The following GPC5 variants were observed in gnomAD, a reference collection of about 807,000 sequenced individuals.
The protein encoded by GPC5 is glypican-5.
In GPC5, 47 loss-of-function variants were observed where a neutral mutation model predicts 53.9. The ratio of observed to expected loss-of-function variants is 0.87; its 90% CI spans 0.69 to 1.11. GPC5 has a LOEUF of 1.11. Ranked by LOEUF, GPC5 falls within the 50% of genes most tolerant of loss-of-function variation. GPC5 has a pLI of 0.00. For synonymous variants in GPC5, 286 were observed against 263.3 expected, an observed-to-expected ratio of 1.09 and a Z score of -0.84; for missense variants, 748 against 713.1, an observed-to-expected ratio of 1.05 and a Z score of -0.56.
intron 7 of GPC5, among the ~76,000 whole-genome samples, chr13:92,327,064 A>G (rs1390085913): frequency 1.3e-5 from 2 of 152,158 alleles, no homozygotes; most frequent in Non-Finnish European, 2.9e-5. Context: ...ATTAATGTTT[A>G]TCCTAGTTTG....
At chr13:91,553,375 G>A (rs1204924030) in intron 2 of GPC5, among the ~76,000 whole-genome samples, 1 of 136,066 alleles carries the variant, frequency 7.3e-6, no homozygotes, top group Non-Finnish European at 1.6e-5. Context: ...CAGGCAGGAA[G>A]AATATATTAA....
At chr13:92,392,012 CTT>C (rs1394347843) in intron 7 of GPC5, among the ~76,000 whole-genome samples, 1 of 152,064 alleles carries the variant, frequency 6.6e-6, no homozygotes, top group Non-Finnish European at 1.5e-5. Context: ...ACTTGTGAAA[CTT>C]TTGCCTGCGA....
At chr13:91,690,760 T>G (rs1042969715) in intron 2 of GPC5, among the ~76,000 whole-genome samples, 1 of 152,216 alleles carries the variant, frequency 6.6e-6, no homozygotes, top group Non-Finnish European at 1.5e-5. Context: ...ACATCAGTAT[T>G]GCCTGATTCA....
At chr13:92,146,902 A>G (rs564816360) in intron 7 of GPC5, among the ~76,000 whole-genome samples, 1 of 151,736 alleles carries the variant, frequency 6.6e-6, no homozygotes, top group Non-Finnish European at 1.5e-5. Flanking sequence ...TTCTTTATCC[A>G]CTCATTGATT....
At chr13:91,438,614 C>T (rs890204410) in intron 1 of GPC5, among the ~76,000 whole-genome samples, 1 of 152,164 alleles carries the variant, frequency 6.6e-6, no homozygotes, top group Non-Finnish European at 1.5e-5. Context: ...GGTCAGGTAC[C>T]CACTTGAGGA....
intron 5 of GPC5, among the ~76,000 whole-genome samples, chr13:91,801,653 A>C (rs1401316334): frequency 6.6e-6 from 1 of 152,336 alleles, no homozygotes; most frequent in South Asian, 2.1e-4. Context: ...ACATCTTGAC[A>C]GTGGAAATAT....
intron 2 of GPC5, among the ~76,000 whole-genome samples, chr13:91,681,413 C>T (rs1195755161): frequency 3.3e-5 from 5 of 152,192 alleles, no homozygotes; most frequent in African/African-American, 1.2e-4. Context: ...AATCTCAATA[C>T]CATTTCAGTG....
intron 6 of GPC5, among the ~76,000 whole-genome samples, chr13:91,951,742 G>T (rs73612917): frequency 1.3e-5 from 2 of 152,072 alleles, no homozygotes; most frequent in Non-Finnish European, 2.9e-5. Flanking sequence ...GTGTCTCCAA[G>T]GTAGAAGAAA....
At chr13:91,996,849 G>A (rs1488224318) in intron 6 of GPC5, among the ~76,000 whole-genome samples, 2 of 151,968 alleles carry the variant, frequency 1.3e-5, no homozygotes, top group Admixed American at 1.3e-4. Flanking sequence ...GTTTACGTTT[G>A]GGATTCATCC....
chr13:92,520,318 C>A (rs1209903453), intron 7 of GPC5, among the ~76,000 whole-genome samples: 1 of 152,038 alleles, frequency 6.6e-6, no homozygotes, highest in Non-Finnish European at 1.5e-5. Context: ...CTGGCAGAGA[C>A]ACAACAAAAA....
chr13:91,895,904 T>C (rs2138977006), intron 5 of GPC5, among the ~76,000 whole-genome samples: 1 of 152,192 alleles, frequency 6.6e-6, no homozygotes, highest in East Asian at 1.9e-4. Context: ...CTCTAATGGT[T>C]CTAGGAGATA....
intron 5 of GPC5, among the ~76,000 whole-genome samples, chr13:91,830,923 T>C (rs989048514): frequency 7.4e-6 from 1 of 135,946 alleles, no homozygotes; most frequent in African/African-American, 2.7e-5. Flanking sequence ...ATATATATCC[T>C]ATTATATATT....
At chr13:92,294,008 G>A (rs2043016432) in intron 7 of GPC5, among the ~76,000 whole-genome samples, 1 of 152,082 alleles carries the variant, frequency 6.6e-6, no homozygotes. Flanking sequence ...TGACTTGTGT[G>A]TGTTAAACCA....
intron 7 of GPC5, among the ~76,000 whole-genome samples, chr13:92,593,838 C>T (rs764532781): frequency 4.6e-5 from 7 of 152,120 alleles, no homozygotes; most frequent in Admixed American, 1.3e-4. Context: ...AAAGGTATTT[C>T]AGTGGATTTG....
At chr13:92,833,398 T>C (rs1421446159) in intron 7 of GPC5, among the ~76,000 whole-genome samples, 1 of 152,176 alleles carries the variant, frequency 6.6e-6, no homozygotes, top group Non-Finnish European at 1.5e-5. Context: ...AGTGTTGTCA[T>C]CCAAATACCT....
intron 6 of GPC5, among the ~76,000 whole-genome samples, chr13:92,058,471 G>C (rs2041094158): frequency 1.3e-5 from 2 of 152,260 alleles, no homozygotes; most frequent in African/African-American, 4.8e-5. Flanking sequence ...CACCAGAGTG[G>C]TACATTTTTT....
chr13:92,056,542 A>T (rs939721750), intron 6 of GPC5, among the ~76,000 whole-genome samples: 14 of 152,122 alleles, frequency 9.2e-5, no homozygotes, highest in Admixed American at 7.2e-4. Context: ...ATAAATTTTT[A>T]CCTGTATATT....
At chr13:91,471,041 C>T (rs572548364) in intron 2 of GPC5, among the ~76,000 whole-genome samples, 2 of 152,244 alleles carry the variant, frequency 1.3e-5, no homozygotes, top group South Asian at 2.1e-4. Flanking sequence ...AACAACCCCC[C>T]AAACAAGAAC....
intron 7 of GPC5, among the ~76,000 whole-genome samples, chr13:92,363,186 G>A (rs1027021009): frequency 6.6e-6 from 1 of 151,632 alleles, no homozygotes; most frequent in Non-Finnish European, 1.5e-5. Context: ...ACACTTAAAA[G>A]TAATAAAACA....
Sources: gnomAD v4.1 joint callset for allele counts (sites outside exome capture counted in the v4.1 genomes callset) on GRCh38, gnomAD v4.1.1 for gene constraint, MANE v1.5 for transcripts, NCBI Gene and HGNC (gene_info 2026-07-23, HGNC 2026-07-21) for gene names.